Variants in SHOC1 observed in about 807,000 individuals in gnomAD.
SHOC1 encodes protein shortage in chiasmata 1 ortholog.
Under a neutral mutation model 179.2 loss-of-function variants are expected in SHOC1, and 136 were observed. The observed-to-expected ratio is 0.76, with a 90% CI of 0.66 to 0.87. SHOC1 has a LOEUF of 0.87. SHOC1 is among the 40% of genes least tolerant of loss of function. SHOC1 has a pLI of 0.00. For missense variants in SHOC1, 1,538 were observed against 1,700.8 expected (o/e 0.90, Z 1.68); for synonymous variants, 489 against 586.6 (o/e 0.83, Z 2.41).
At chr9:111,705,416 T>A in intron 20 of SHOC1, 52 bp from the exon 21 acceptor site, 3 of 666,846 alleles carry the variant, frequency 4.5e-6, no homozygotes, top group Non-Finnish European at 4.4e-6. Flanking sequence ...ATCTCCCAGC[T>A]CTTTCTCTTT....
intron 3 of SHOC1, 88 bp from the exon 4 acceptor site, chr9:111,781,105 AT>A: frequency 2.3e-6 from 2 of 866,944 alleles, no homozygotes; most frequent in Non-Finnish European, 3.7e-6. Flanking sequence ...TTACATTATG[AT>A]TTTATCTTTA....
At chr9:111,771,301 C>A (rs564683674) in intron 5 of SHOC1, among the ~76,000 whole-genome samples, 10 of 152,038 alleles carry the variant, frequency 6.6e-5, no homozygotes, top group African/African-American at 2.2e-4. Flanking sequence ...CACATACACA[C>A]AAAATGCCAC....
At chr9:111,782,377 C>T (rs978794443) in intron 3 of SHOC1, among the ~76,000 whole-genome samples, 18 of 152,036 alleles carry the variant, frequency 1.2e-4, no homozygotes, top group East Asian at 1.9e-4. Context: ...GGAAGAATAG[C>T]CTTTTCAGAG....
chr9:111,743,441 C>T (rs757869099), intron 10 of SHOC1, among the ~76,000 whole-genome samples: 8 of 152,136 alleles, frequency 5.3e-5, no homozygotes, highest in Non-Finnish European at 1.2e-4. Context: ...TACACCATCT[C>T]GCCCAGGATG....
chr9:111,708,343 C>T (rs972880240), intron 18 of SHOC1, among the ~76,000 whole-genome samples: 1 of 151,988 alleles, frequency 6.6e-6, no homozygotes, highest in Admixed American at 6.6e-5. Context: ...GCTGGGATGA[C>T]AAGTGCCTGC....
At chr9:111,791,274 A>C in intron 2 of SHOC1, 100 bp downstream of exon 2, 1 of 555,186 alleles carries the variant, frequency 1.8e-6, no homozygotes. Flanking sequence ...TTTTGATCCT[A>C]AGCATTTCAG....
At chr9:111,784,483 A>G (rs1299527855) in intron 3 of SHOC1, among the ~76,000 whole-genome samples, 1 of 152,188 alleles carries the variant, frequency 6.6e-6, no homozygotes, top group African/African-American at 2.4e-5. Context: ...GGGCTACTAC[A>G]ATAGCTCCCT....
At chr9:111,784,195 G>A (rs1191342239) in intron 3 of SHOC1, among the ~76,000 whole-genome samples, 1 of 152,180 alleles carries the variant, frequency 6.6e-6, no homozygotes, top group African/African-American at 2.4e-5. Flanking sequence ...CCTTCTTAAT[G>A]ATCCATTTAG....
chr9:111,754,155 T>G (rs1834744555), intron 8 of SHOC1, among the ~76,000 whole-genome samples: 1 of 152,152 alleles, frequency 6.6e-6, no homozygotes, highest in African/African-American at 2.4e-5. Flanking sequence ...ACCTGAAGTA[T>G]GTACAATTTT....
At chr9:111,724,333 C>A (rs1833201606) in intron 13 of SHOC1, among the ~76,000 whole-genome samples, 1 of 151,690 alleles carries the variant, frequency 6.6e-6, no homozygotes, top group Non-Finnish European at 1.5e-5. Flanking sequence ...TTTAACCAGG[C>A]AATTCTTTTT....
intron 24 of SHOC1, among the ~76,000 whole-genome samples, chr9:111,696,897 G>A (rs1280065741): frequency 6.6e-6 from 1 of 152,172 alleles, no homozygotes; most frequent in Non-Finnish European, 1.5e-5. Context: ...ATGCAGCACA[G>A]AAACAAAATT....
At chr9:111,760,417 A>G (rs908924215) in intron 5 of SHOC1, among the ~76,000 whole-genome samples, 6 of 152,152 alleles carry the variant, frequency 3.9e-5, no homozygotes, top group African/African-American at 1.2e-4. Flanking sequence ...GTTTTCTTCT[A>G]TTGTAGAGGA....
At chr9:111,754,738 G>A (rs1834777109) in intron 8 of SHOC1, among the ~76,000 whole-genome samples, 1 of 152,154 alleles carries the variant, frequency 6.6e-6, no homozygotes, top group Admixed American at 6.6e-5. Flanking sequence ...GACAAAATGT[G>A]CTATAGCCAT....
At chr9:111,686,939 C>CTTTTTTTTTTTTTTTTTT (rs10537471) in intron 27 of SHOC1, 69 bp from the exon 28 acceptor site, 2 of 498,932 alleles carry the variant, frequency 4.0e-6, no homozygotes, top group Non-Finnish European at 6.3e-6. Context: ...TTTTCTTTTC[C>CTTTTTTTTTTTTTTTTTT]TTTTTTTTTT....
Position 111,758,112 on chromosome 9 carries a change from T to G in SHOC1, c.680A>C (p.Lys227Thr), listed in dbSNP as rs773598306. Residue 227 changes from lysine to threonine, a missense_variant, in exon 7 of 28, where the codon AAA becomes ACA. Physicochemically the swap from Lys to Thr is moderately conservative, Grantham distance 78. Coordinates refer to ENST00000682961, the MANE Select transcript of SHOC1 (RefSeq NM_001378211.1). ...ATTTAAACATATTGTATCTTCTAGT[T>G]TCTCTTGACAAAAGTTCACTTTATC... ...CMDKVNFCQE[K>T]LEDTICLNEP... The G allele has an allele frequency of 6.4e-7, 1 of 1,567,142 alleles. No individual in the cohort carries two copies. Among genetic ancestry groups the G allele is most frequent in the Admixed American group, 1.8e-5 (1 of 55,640 alleles).
Position 111,748,101 on chromosome 9 carries a change from T to C in SHOC1, c.961A>G (p.Ser321Gly). 1.2e-6 allele frequency: 2 copies of C among 1,611,748 alleles called. No individual in the cohort carries two copies. The highest frequency in any genetic ancestry group is 1.7e-6 in the Non-Finnish European group (2 of 1,178,112). ...TTATCAAAATTTCTACCTGGTTTAC[T>C]GCACTCTTCTGGTTCACTCTGGCTT... Reference protein sequence around the residue: ...IQSQSEPEECSKPGELEMPLT... With the variant: ...IQSQSEPEECGKPGELEMPLT... Residue 321 changes from serine to glycine, a missense_variant, in exon 9 of 28, where the codon AGT (serine) becomes GGT (glycine). Transcript: ENST00000682961.
chr9:111,698,239 T>C lies in SHOC1; in HGVS notation c.3183+1715A>G, dbSNP rs142250293. On this transcript the variant is annotated intron_variant, in intron 24 of 27. Transcript: ENST00000682961. ...ATTTTGGCTTTTGTTGCCATTGCTT[T>C]TCGTGTTTTATTCGTGAAGTTGTTG... Among the ~76,000 whole-genome samples, 375 of 152,350 alleles carry C rather than the reference T, an allele frequency of 2.5e-3. 1 individual carries two copies. Among genetic ancestry groups the C allele is most frequent in the African/African-American group, 8.2e-3 (340 of 41,576 alleles).
intron 12 of SHOC1, among the ~76,000 whole-genome samples, chr9:111,737,194 C>A (rs1833847049): frequency 1.3e-5 from 2 of 152,210 alleles, no homozygotes; most frequent in Non-Finnish European, 2.9e-5. Flanking sequence ...TTCGACCCAG[C>A]AATCCCATTA....
chr9:111,695,823 CT>C (rs1408048488), intron 24 of SHOC1, among the ~76,000 whole-genome samples: 2 of 152,134 alleles, frequency 1.3e-5, no homozygotes, highest in African/African-American at 4.8e-5. Context: ...AATACCACTA[CT>C]AAAAATAGAA....
Sources: gnomAD v4.1 joint callset for allele counts (sites outside exome capture counted in the v4.1 genomes callset) on GRCh38, gnomAD v4.1.1 for gene constraint, MANE v1.5 for transcripts, NCBI Gene and HGNC (gene_info 2026-07-23, HGNC 2026-07-21) for gene names.